MIGA1: variants seen among roughly 807,000 people sequenced by gnomAD.
MIGA1 encodes the protein family with sequence similarity 73, member A.
In MIGA1, 58 loss-of-function variants were observed where a neutral mutation model predicts 82.0. The ratio of observed to expected loss-of-function variants is 0.71; its 90% CI spans 0.57 to 0.88. The LOEUF (loss-of-function observed/expected upper bound fraction) is 0.88, where lower values mean the gene tolerates loss of function less well. MIGA1 is among the 40% of genes least tolerant of loss of function. MIGA1 has a pLI of 0.00. For synonymous variants in MIGA1, 249 were observed against 253.6 expected, an observed-to-expected ratio of 0.98 and a Z score of 0.17; for missense variants, 751 against 749.1, an observed-to-expected ratio of 1.00 and a Z score of -0.03.
chr1:77,870,399 C>T (rs1685915579), intron 14 of MIGA1, among the ~76,000 whole-genome samples: 9 of 121,194 alleles, frequency 7.4e-5, no homozygotes, highest in Non-Finnish European at 9.2e-5. Context: ...TCCTCACCTC[C>T]CAGACAGGGT....
At chr1:77,807,677 A>T (rs1683155703) in intron 5 of MIGA1, among the ~76,000 whole-genome samples, 1 of 152,110 alleles carries the variant, frequency 6.6e-6, no homozygotes, top group Admixed American at 6.5e-5. Context: ...GTCTCTCTGG[A>T]GGCTTAGGGG....
chr1:77,785,741 G>A (rs1682130855), intron 2 of MIGA1, among the ~76,000 whole-genome samples: 1 of 152,200 alleles, frequency 6.6e-6, no homozygotes, highest in South Asian at 2.1e-4. Flanking sequence ...ATGGTCGTAG[G>A]TAGCTCTGCC....
chr1:77,847,196 G>A (rs1396037772), intron 8 of MIGA1: 2 of 1,303,438 alleles, frequency 1.5e-6, no homozygotes, highest in Admixed American at 1.7e-5. Context: ...TCAGTGTTTG[G>A]GAATGATTCT....
intron 6 of MIGA1, among the ~76,000 whole-genome samples, chr1:77,814,389 G>T (rs1038885527): frequency 6.6e-6 from 1 of 151,724 alleles, no homozygotes; most frequent in Non-Finnish European, 1.5e-5. Flanking sequence ...GATTTCTAAA[G>T]GATTTTTTTT....
chr1:77,869,934 C>A (rs1485381837), intron 14 of MIGA1, among the ~76,000 whole-genome samples: 1 of 135,772 alleles, frequency 7.4e-6, no homozygotes, highest in Non-Finnish European at 1.6e-5. Context: ...CCACCTCCCT[C>A]CCGGACGGGG....
intron 8 of MIGA1, chr1:77,847,290 A>T: frequency 1.1e-6 from 1 of 934,408 alleles, no homozygotes; most frequent in Non-Finnish European, 1.8e-6. Context: ...CCAAACTGGA[A>T]TCCAGAAGGC....
chr1:77,867,103 G>C (rs1430000485), intron 14 of MIGA1, among the ~76,000 whole-genome samples: 2 of 152,106 alleles, frequency 1.3e-5, no homozygotes, highest in African/African-American at 4.8e-5. Flanking sequence ...AAGTCTCAGA[G>C]TTTATATCCT....
chr1:77,827,038 C>T (rs950176425), intron 7 of MIGA1, among the ~76,000 whole-genome samples: 3 of 151,960 alleles, frequency 2.0e-5, no homozygotes, highest in African/African-American at 7.3e-5. Flanking sequence ...AGCTCCTGAC[C>T]TCAGGTGATC....
intron 2 of MIGA1, among the ~76,000 whole-genome samples, chr1:77,787,075 G>C (rs1682193355): frequency 1.3e-5 from 2 of 152,178 alleles, no homozygotes. Flanking sequence ...GCAGCCGCAA[G>C]AGAGAGTGAG....
At chr1:77,868,106 A>G (rs147322398) in intron 14 of MIGA1, 55 of 152,366 alleles carry the variant, frequency 3.6e-4, no homozygotes, top group African/African-American at 1.3e-3. Flanking sequence ...GAAAGCGATG[A>G]TATCAGCAAG....
In MIGA1 at chr1:77,779,729, A is replaced by G; in HGVS notation, c.74A>G (p.Glu25Gly). 1.3e-6 allele frequency: 2 copies of G among 1,565,514 alleles called. No individual in the cohort carries two copies. The highest frequency in any genetic ancestry group is 2.4e-5 in the East Asian group (1 of 42,230). The change falls in exon 1 of 16, where the codon GAG (glutamate) becomes GGG (glycine). Residue 25 changes from glutamate (E) to glycine (G), a missense_variant. By Grantham distance (98) the Glu-to-Gly change is moderately conservative. This residue lies in a region of MIGA1 where 482 missense variants were observed against 439.4 expected (regional missense o/e 1.10). Transcript: ENST00000370791. ...GGCAGGCCAGCTGTACCTGGCCTGG[A>G]GCTCCAGGTACAGGGCCAGGGGCGG... is the stretch of plus-strand genomic sequence containing the variant.
chr1:77,811,367 C>T lies in MIGA1; in HGVS notation c.638-2367C>T. The T allele has an allele frequency of 2.5e-6, 4 of 1,607,128 alleles. No individual in the cohort carries two copies. The South Asian group carries it at 4.4e-5, about 18-fold the overall frequency. Reference sequence around the variant, plus strand: ...GAATCAGGAGACCCTGCTCCAGCACCACCCTCTTCTTCATCTTCTTCAAAT... The same window carrying T: ...GAATCAGGAGACCCTGCTCCAGCACTACCCTCTTCTTCATCTTCTTCAAAT... On this transcript the variant is annotated intron_variant, in intron 5 of 15. Coordinates refer to ENST00000370791, the MANE Select transcript of MIGA1 (RefSeq NM_198549.4).
intron 14 of MIGA1, 94 bp from the exon 15 acceptor site, chr1:77,872,910 G>T: frequency 6.6e-7 from 1 of 1,510,384 alleles, no homozygotes; most frequent in Non-Finnish European, 9.1e-7. Flanking sequence ...AACTCCCACT[G>T]GTCATATAAT....
intron 7 of MIGA1, among the ~76,000 whole-genome samples, chr1:77,837,902 ACT>A (rs1684489755): frequency 6.6e-6 from 1 of 152,200 alleles, no homozygotes; most frequent in South Asian, 2.1e-4. Context: ...TATATTTAAC[ACT>A]CATCAAGTCT....
chr1:77,808,822 G>A (rs1462090582), intron 5 of MIGA1, among the ~76,000 whole-genome samples: 1 of 152,204 alleles, frequency 6.6e-6, no homozygotes, highest in African/African-American at 2.4e-5. Context: ...AGAATAGTTA[G>A]ACTATCTCAT....
intron 8 of MIGA1, among the ~76,000 whole-genome samples, chr1:77,846,688 C>G (rs1684855755): frequency 1.3e-5 from 2 of 151,688 alleles, no homozygotes; most frequent in African/African-American, 4.8e-5. Context: ...TGGCTCACAC[C>G]TGTAATCCCA....
intron 8 of MIGA1, chr1:77,848,261 G>A (rs1684918219): frequency 7.3e-7 from 1 of 1,370,856 alleles, no homozygotes; most frequent in Admixed American, 1.9e-5. Context: ...AAGTGACAGA[G>A]TGTGGAAAAG....
chr1:77,829,645 A>AT (rs1435617647), intron 7 of MIGA1, among the ~76,000 whole-genome samples: 1 of 151,612 alleles, frequency 6.6e-6, no homozygotes, highest in Non-Finnish European at 1.5e-5. Context: ...ATTTTTTTGT[A>AT]TTTTTAGTAG....
At chr1:77,847,610 A>T in intron 8 of MIGA1, 1 of 1,542,644 alleles carries the variant, frequency 6.5e-7, no homozygotes, top group Non-Finnish European at 8.9e-7. Flanking sequence ...GAGCTGAAGA[A>T]GAAAGAAAAA....
Sources: gnomAD v4.1 joint callset for allele counts (sites outside exome capture counted in the v4.1 genomes callset) on GRCh38, gnomAD v4.1.1 for gene constraint, gnomAD v4.1.1 regional missense constraint, MANE v1.5 for transcripts, NCBI Gene and HGNC (gene_info 2026-07-23, HGNC 2026-07-21) for gene names.